HIVEP3: variants seen among roughly 807,000 people sequenced by gnomAD.
HIVEP3 encodes the protein HIVEP zinc finger 3, also known as transcription factor HIVEP3.
A neutral mutation model predicts 152.8 loss-of-function variants in HIVEP3; 49 were observed. The observed-to-expected ratio is 0.32, with a 90% CI of 0.26 to 0.41. The LOEUF is 0.41. HIVEP3 is among the 10% of genes least tolerant of loss of function. The pLI is 1.00. For missense variants in HIVEP3, 2,790 were observed against 3,103.3 expected (o/e 0.90, Z 2.40); for synonymous variants, 1,269 against 1,289.0 (o/e 0.98, Z 0.33).
At chr1:41,910,156 G>A (rs1644773556) in intron 1 of HIVEP3, among the ~76,000 whole-genome samples, 1 of 151,922 alleles carries the variant, frequency 6.6e-6, no homozygotes, top group Non-Finnish European at 1.5e-5. Flanking sequence ...ATTAGAGATA[G>A]TCTCTAATAA....
At chr1:41,819,240 C>A (rs1005524339) in intron 1 of HIVEP3, among the ~76,000 whole-genome samples, 1 of 152,070 alleles carries the variant, frequency 6.6e-6, no homozygotes, top group Non-Finnish European at 1.5e-5. Context: ...GAATACACTT[C>A]GCCCATCACC....
chr1:41,913,770 T>C (rs760826581), intron 1 of HIVEP3, among the ~76,000 whole-genome samples: 3 of 152,220 alleles, frequency 2.0e-5, no homozygotes, highest in African/African-American at 7.2e-5. Context: ...TAGACTAAAA[T>C]TGGTGACTGA....
At chr1:41,795,591 T>C (rs1226561389) in intron 1 of HIVEP3, among the ~76,000 whole-genome samples, 2 of 152,208 alleles carry the variant, frequency 1.3e-5, no homozygotes, top group Non-Finnish European at 2.9e-5. Context: ...AGGGGAGTAG[T>C]ATATATCTAG....
At chr1:41,685,506 CCCCTCT>C in intron 2 of HIVEP3, among the ~76,000 whole-genome samples, 1 of 152,312 alleles carries the variant, frequency 6.6e-6, no homozygotes, top group South Asian at 2.1e-4. Context: ...GGCATTCACC[CCCCTCT>C]CCAGCCACAT....
chr1:41,973,576 G>A (rs1420188718), intron 1 of HIVEP3, among the ~76,000 whole-genome samples: 2 of 152,242 alleles, frequency 1.3e-5, no homozygotes, highest in Non-Finnish European at 1.5e-5. Context: ...GAGACAGAGA[G>A]GCTGCTGGCA....
chr1:41,758,449 C>G (rs930285891), intron 1 of HIVEP3, among the ~76,000 whole-genome samples: 4 of 152,196 alleles, frequency 2.6e-5, no homozygotes, highest in Admixed American at 6.5e-5. Context: ...GCACAGCCTT[C>G]CACGCTTCAA....
Position 41,513,110 on chromosome 1 carries a change from G to A in HIVEP3, c.6111C>T (p.Thr2037=), listed in dbSNP as rs1642488097. ...CCAGTTCTCTTCCCAGGGGGCAGAG[G>A]GTGAGAGGAGACAGCTGAAGTCTTG... ...GSPRLQLSPL[T]LCPLGRELAP... The change falls in exon 8 of 9, where the codon ACC becomes ACT. Residue 2037 remains threonine (T), a synonymous_variant. Transcript: ENST00000372583. 1.2e-6 allele frequency: 2 copies of A among 1,613,898 alleles called. No homozygotes were observed. The highest frequency in any genetic ancestry group is 1.7e-6 in the Non-Finnish European group (2 of 1,180,042).
chr1:41,533,389 C>A lies in HIVEP3; in HGVS notation c.5208-8479G>T, dbSNP rs1457503290. 6.6e-6 allele frequency among the ~76,000 whole-genome samples: 1 copy of A among 152,114 alleles called. No individual in the cohort carries two copies. Among genetic ancestry groups the A allele is most frequent in the African/African-American group, 2.4e-5 (1 of 41,418 alleles). On this transcript the variant is annotated intron_variant, in intron 5 of 8. Transcript: ENST00000372583. This position sits in a 1 kb window ranked among gnomAD's most constrained non-coding sequence, Gnocchi z 4.3. ...CCCCTTCCACCACCACAGACACAAG[C>A]CCAGCTCTCTTCCCATCACAAATCA...
chr1:41,735,570 T>G lies in HIVEP3; in HGVS notation c.-800-34575A>C, dbSNP rs531434637. Among the ~76,000 whole-genome samples the G allele has an allele frequency of 2.0e-5, 3 of 152,212 alleles. No homozygotes were observed. The East Asian group carries it at 5.8e-4, about 29-fold the overall frequency. On this transcript the variant is annotated intron_variant, in intron 1 of 8. Coordinates refer to ENST00000372583, the MANE Select transcript of HIVEP3 (RefSeq NM_024503.5). Reference sequence around the variant, plus strand: ...ATAGAACCATCCAGGCTCTGCTCACTCCCTTCCCCCAAATTAGCAACTTTC... The same window carrying G: ...ATAGAACCATCCAGGCTCTGCTCACGCCCTTCCCCCAAATTAGCAACTTTC...
At chr1:41,634,173 C>T (rs1645237104) in intron 2 of HIVEP3, among the ~76,000 whole-genome samples, 2 of 149,800 alleles carry the variant, frequency 1.3e-5, no homozygotes, top group South Asian at 4.2e-4. Flanking sequence ...AAGAATTGTA[C>T]CAGAATAAGT....
At position 41,630,705 on chromosome 1, in the gene HIVEP3, C is replaced by A. The variant is rs187361657; in HGVS notation, c.-720-1758G>T. On this transcript the variant is annotated intron_variant, in intron 2 of 8. Transcript: ENST00000372583. Reference sequence around the variant, plus strand: ...GTTCCCCAGAGCTTCCAGATGAGAACCCAGCCCACCAACACCTTGATTCAG... The same window carrying A: ...GTTCCCCAGAGCTTCCAGATGAGAAACCAGCCCACCAACACCTTGATTCAG... Among the ~76,000 whole-genome samples the A allele has an allele frequency of 2.5e-3, 385 of 152,302 alleles. 1 individual carries two copies. The highest frequency in any genetic ancestry group is 4.2e-3 in the Non-Finnish European group (283 of 68,030).
rs559017231 is a variant in HIVEP3 at position 41,833,926 on chromosome 1, G to A, written c.-801+84487C>T. ...GGGAGCCTCCAGCTTGTGAAATGGCGAGGGGGTAGTATTGTGACCCAGACT... is the reference window on the plus strand; with the variant it reads ...GGGAGCCTCCAGCTTGTGAAATGGCAAGGGGGTAGTATTGTGACCCAGACT... On this transcript the variant is annotated intron_variant, in intron 1 of 8. Coordinates refer to ENST00000372583, the MANE Select transcript of HIVEP3 (RefSeq NM_024503.5). Among the ~76,000 whole-genome samples, 23 of 152,282 alleles carry A rather than the reference G, an allele frequency of 1.5e-4. No homozygotes were observed. In the East Asian group the frequency reaches 2.7e-3, roughly 18 times the overall value.
intron 1 of HIVEP3, among the ~76,000 whole-genome samples, chr1:41,917,237 G>A (rs1644884813): frequency 6.6e-6 from 1 of 152,078 alleles, no homozygotes; most frequent in African/African-American, 2.4e-5. Flanking sequence ...ACACAAACAT[G>A]GGCTGGAGAA....
chr1:41,555,945 G>A (rs2759253), intron 5 of HIVEP3, among the ~76,000 whole-genome samples: 118,301 of 152,134 alleles, frequency 0.78, 47,250 homozygotes, highest in Non-Finnish European at 0.89. Context: ...GTTCATCCAC[G>A]TGTGGCAGGT....
intron 1 of HIVEP3, among the ~76,000 whole-genome samples, chr1:42,007,231 G>A (rs565423554): frequency 1.3e-5 from 2 of 152,296 alleles, no homozygotes; most frequent in East Asian, 3.9e-4. Flanking sequence ...AAAAGCACAT[G>A]CCCTCGAGTG....
chr1:41,604,891 CCCAGGAATTCGAGA>C (rs1361601020), intron 3 of HIVEP3, among the ~76,000 whole-genome samples: 2 of 151,900 alleles, frequency 1.3e-5, no homozygotes, highest in South Asian at 2.1e-4. Flanking sequence ...ACTGCTTGAG[CCCAGGAATTCGAGA>C]CCAGCTTGGG....
Position 41,667,926 on chromosome 1 carries a change from T to C in HIVEP3, c.-721+32990A>G, listed in dbSNP as rs142783314. ...GGATACTATGATGAACAAGACCTAG[T>C]CCTTGCCAATAGCTGATGAAGTGAG... On this transcript the variant is annotated intron_variant, in intron 2 of 8. Coordinates refer to ENST00000372583, the MANE Select transcript of HIVEP3 (RefSeq NM_024503.5). 2.4e-3 allele frequency among the ~76,000 whole-genome samples: 363 copies of C among 152,232 alleles called. 2 individuals are homozygous for C. Among genetic ancestry groups the C allele is most frequent in the African/African-American group, 8.3e-3 (345 of 41,520 alleles).
intron 1 of HIVEP3, among the ~76,000 whole-genome samples, chr1:41,721,057 T>C (rs535914531): frequency 4.4e-4 from 67 of 152,318 alleles, no homozygotes; most frequent in Middle Eastern, 6.8e-3. Context: ...AAATGGGAAG[T>C]TGCTGCTCAA....
chr1:41,970,766 A>G (rs1645224242), intron 1 of HIVEP3, among the ~76,000 whole-genome samples: 1 of 152,188 alleles, frequency 6.6e-6, no homozygotes, highest in Non-Finnish European at 1.5e-5. Context: ...GTCTTTACAA[A>G]AAAAAGTGGG....
Sources: gnomAD v4.1 joint callset for allele counts (sites outside exome capture counted in the v4.1 genomes callset) on GRCh38, gnomAD v4.1.1 for gene constraint, Gnocchi (gnomAD v3.1) non-coding constraint, MANE v1.5 for transcripts, NCBI Gene and HGNC (gene_info 2026-07-23, HGNC 2026-07-21) for gene names.